Variants in ZFP2 observed in about 807,000 individuals in gnomAD.
ZFP2 encodes the protein ZFP2 zinc finger protein, also known as zinc finger protein ZFP2.
A neutral mutation model predicts 36.1 loss-of-function variants in ZFP2; 33 were observed. The observed-to-expected ratio is 0.92, with a 90% CI of 0.69 to 1.22. The LOEUF is 1.22. Ranked by LOEUF, ZFP2 falls within the 50% of genes most tolerant of loss-of-function variation. The pLI is 0.00. For missense variants in ZFP2, 522 were observed against 551.4 expected, an observed-to-expected ratio of 0.95 and a Z score of 0.53; for synonymous variants, 170 against 178.0, an observed-to-expected ratio of 0.96 and a Z score of 0.36.
Position 178,932,725 on chromosome 5 carries a change from C to G in ZFP2, c.*26C>G. The G allele has an allele frequency of 6.5e-7, 1 of 1,546,536 alleles. No individual in the cohort carries two copies. The highest frequency in any genetic ancestry group is 8.7e-7 in the Non-Finnish European group (1 of 1,149,826). On this transcript the variant is annotated 3_prime_UTR_variant, in exon 5 of 5. Coordinates refer to ENST00000361362, the MANE Select transcript of ZFP2 (RefSeq NM_030613.4). The stretch of plus-strand genomic sequence containing the variant: ...GGAATGTTTTCACTGGCCCTTACCT[C>G]ATGATTAACTCTTCAGTAATAATCA...
chr5:178,910,058 CTG>C (rs1261800316), intron 1 of ZFP2: 7 of 1,474,384 alleles, frequency 4.7e-6, no homozygotes, highest in Middle Eastern at 1.7e-4. Flanking sequence ...CCAGGCCAAA[CTG>C]AAATGTAAAC....
intron 1 of ZFP2, chr5:178,910,599 G>C: frequency 4.4e-6 from 2 of 451,508 alleles, no homozygotes; most frequent in Non-Finnish European, 8.5e-6. Context: ...GTGACACACT[G>C]GCCCATGGTA....
chr5:178,931,822 G>T lies in ZFP2; in HGVS notation c.509G>T (p.Ser170Ile). ...CNECGKAFSQ[S>I]MNLTVHQRTH... is the part of the protein sequence containing the mutation. ...GAATGTGGGAAAGCCTTTAGTCAGA[G>T]CATGAATCTTACTGTCCATCAACGA... Residue 170 changes from serine to isoleucine, a missense_variant, in exon 5 of 5, where the codon AGC becomes ATC. Transcript: ENST00000361362. The T allele has an allele frequency of 1.2e-6, 2 of 1,612,664 alleles. No individual in the cohort carries two copies. Among genetic ancestry groups the T allele is most frequent in the Non-Finnish European group, 8.5e-7 (1 of 1,178,828 alleles).
intron 4 of ZFP2, among the ~76,000 whole-genome samples, chr5:178,921,701 G>C (rs1758564849): frequency 6.7e-6 from 1 of 149,636 alleles, no homozygotes; most frequent in Admixed American, 6.7e-5. Flanking sequence ...CCTGTTTTCA[G>C]ATGGCTGTAT....
At chr5:178,910,563 G>C in intron 1 of ZFP2, 7 of 490,908 alleles carry the variant, frequency 1.4e-5, no homozygotes, top group South Asian at 1.2e-4. Flanking sequence ...TTGCTGCCCA[G>C]GGTCAATGAG....
chr5:178,932,688 A>C lies in ZFP2; in HGVS notation c.1375A>C (p.Thr459Pro), dbSNP rs758758332. ...RSTNLTRHQR[T>P]HT ...TACAAACCTTACACGACATCAAAGA[A>C]CTCATACGTGAGGAATGTTTTCACT... Residue 459 changes from threonine (T) to proline (P), a missense_variant, in exon 5 of 5, where the codon ACT becomes CCT. Coordinates refer to ENST00000361362, the MANE Select transcript of ZFP2 (RefSeq NM_030613.4). The C allele has an allele frequency of 6.3e-7, 1 of 1,593,334 alleles. No individual in the cohort carries two copies. Among genetic ancestry groups the C allele is most frequent in the Non-Finnish European group, 8.5e-7 (1 of 1,170,120 alleles).
intron 4 of ZFP2, among the ~76,000 whole-genome samples, chr5:178,919,246 C>T (rs745541577): frequency 2.6e-5 from 4 of 152,162 alleles, no homozygotes; most frequent in Non-Finnish European, 4.4e-5. Context: ...GACCTATGAC[C>T]TATTAATATG....
chr5:178,897,163 T>C (rs1757963338), intron 1 of ZFP2, among the ~76,000 whole-genome samples: 1 of 152,218 alleles, frequency 6.6e-6, no homozygotes. Context: ...GTAAGGATTT[T>C]GATACCTCCT....
intron 4 of ZFP2, among the ~76,000 whole-genome samples, chr5:178,925,050 T>C (rs1758637546): frequency 6.8e-6 from 1 of 146,248 alleles, no homozygotes; most frequent in Admixed American, 6.9e-5. Flanking sequence ...CATTTATCAT[T>C]GAATCTCTAA....
In ZFP2 at chr5:178,932,527, C is replaced by T; in HGVS notation, c.1214C>T (p.Thr405Ile). The change falls in exon 5 of 5, where the codon ACT becomes ATT. Residue 405 changes from threonine to isoleucine, a missense_variant. Thr to Ile is a moderately conservative substitution (Grantham distance 89). Transcript: ENST00000361362. ...AYLIEHQRIH[T>I]GEKPYECDQC... The stretch of plus-strand genomic sequence containing the variant: ...CTTATTGAACATCAAAGAATTCATA[C>T]TGGTGAGAAACCCTATGAATGTGAT... 6.2e-7 allele frequency: 1 copy of T among 1,614,140 alleles called. No individual in the cohort carries two copies. Among genetic ancestry groups the T allele is most frequent in the Non-Finnish European group, 8.5e-7 (1 of 1,180,012 alleles).
intron 1 of ZFP2, among the ~76,000 whole-genome samples, chr5:178,911,622 T>C (rs1758300489): frequency 6.6e-6 from 1 of 152,188 alleles, no homozygotes; most frequent in Non-Finnish European, 1.5e-5. Flanking sequence ...AGTTAAGTTT[T>C]GGGGGAGTCA....
At chr5:178,911,907 G>A (rs955917684) in intron 1 of ZFP2, among the ~76,000 whole-genome samples, 5 of 152,112 alleles carry the variant, frequency 3.3e-5, no homozygotes, top group African/African-American at 1.2e-4. Flanking sequence ...AGGCAGAGGT[G>A]GGTGGATCAC....
rs1397075582 is a variant in ZFP2, at chr5:178,923,141, C to T, written c.-78+6431C>T. 2.7e-5 allele frequency among the ~76,000 whole-genome samples: 4 copies of T among 149,112 alleles called. 1 individual carries two copies. Among genetic ancestry groups the T allele is most frequent in the Admixed American group, 6.7e-5 (1 of 14,872 alleles). Reference sequence around the variant, plus strand: ...TTTGTGTGTATATGTGTACAATATACGTAACATAAAATTTGCCATTTTAGC... The same window carrying T: ...TTTGTGTGTATATGTGTACAATATATGTAACATAAAATTTGCCATTTTAGC... On this transcript the variant is annotated intron_variant, in intron 4 of 4. Transcript: ENST00000361362.
intron 1 of ZFP2, among the ~76,000 whole-genome samples, chr5:178,899,287 G>A (rs1281332369): frequency 2.0e-5 from 3 of 152,162 alleles, no homozygotes; most frequent in Non-Finnish European, 4.4e-5. Flanking sequence ...CCATATAGGT[G>A]ACATGAAGAA....
intron 4 of ZFP2, among the ~76,000 whole-genome samples, chr5:178,929,945 G>GGGGGT (rs1554107558): frequency 8.5e-5 from 12 of 141,066 alleles, no homozygotes; most frequent in Non-Finnish European, 1.6e-4. Context: ...TTGACGGTGG[G>GGGGGT]GGGGGGGGCT....
chr5:178,897,406 C>T (rs911275406), intron 1 of ZFP2, among the ~76,000 whole-genome samples: 5 of 152,168 alleles, frequency 3.3e-5, no homozygotes, highest in Non-Finnish European at 5.9e-5. Flanking sequence ...TGTGCAGAAA[C>T]GTCACAGGTT....
At chr5:178,897,629 C>T (rs1757969905) in intron 1 of ZFP2, among the ~76,000 whole-genome samples, 1 of 152,122 alleles carries the variant, frequency 6.6e-6, no homozygotes, top group Non-Finnish European at 1.5e-5. Flanking sequence ...TCACTTATTT[C>T]ATATCTTGAA....
intron 1 of ZFP2, among the ~76,000 whole-genome samples, chr5:178,901,104 G>C (rs899834276): frequency 6.6e-6 from 1 of 152,074 alleles, no homozygotes; most frequent in Non-Finnish European, 1.5e-5. Flanking sequence ...CCTGTTTTTA[G>C]CTATTATGAA....
chr5:178,921,389 A>G (rs990947450), intron 4 of ZFP2, among the ~76,000 whole-genome samples: 3 of 127,740 alleles, frequency 2.3e-5, no homozygotes, highest in Non-Finnish European at 5.7e-5. Flanking sequence ...AAGCAGCAGG[A>G]GGACAAAGAA....
Sources: gnomAD v4.1 joint callset for allele counts (sites outside exome capture counted in the v4.1 genomes callset) on GRCh38, gnomAD v4.1.1 for gene constraint, MANE v1.5 for transcripts, NCBI Gene and HGNC (gene_info 2026-07-23, HGNC 2026-07-21) for gene names.